Variants in TAFA1 observed in about 807,000 individuals in gnomAD.
TAFA1 encodes the protein TAFA chemokine like family member 1, also known as chemokine-like protein TAFA-1.
In TAFA1, 4 loss-of-function variants were observed where a neutral mutation model predicts 18.5. The ratio of observed to expected loss-of-function variants is 0.22; its 90% CI spans 0.11 to 0.49. The LOEUF (loss-of-function observed/expected upper bound fraction) is 0.49. Among genes scored for constraint, TAFA1 ranks in the 20% least tolerant of loss-of-function variants. TAFA1 has a pLI of 0.98. For synonymous variants in TAFA1, 56 were observed against 55.2 expected (o/e 1.01, Z -0.06); for missense variants, 147 against 169.0 (o/e 0.87, Z 0.72).
chr3:68,474,510 A>T (rs1158207420), intron 3 of TAFA1, among the ~76,000 whole-genome samples: 2 of 152,224 alleles, frequency 1.3e-5, no homozygotes, highest in Non-Finnish European at 2.9e-5. Context: ...TGTCTGGTAG[A>T]ATCTAGCAGA....
intron 3 of TAFA1, among the ~76,000 whole-genome samples, chr3:68,440,450 C>T (rs2071355656): frequency 6.6e-6 from 1 of 152,112 alleles, no homozygotes; most frequent in African/African-American, 2.4e-5. Flanking sequence ...TTTTATAGCA[C>T]AAGTGTATAC....
intron 2 of TAFA1, among the ~76,000 whole-genome samples, chr3:68,372,884 A>C (rs1282025548): frequency 6.6e-6 from 1 of 152,228 alleles, no homozygotes; most frequent in Non-Finnish European, 1.5e-5. Context: ...AGGTTGTGGA[A>C]GCATGAGGAA....
intron 3 of TAFA1, among the ~76,000 whole-genome samples, chr3:68,463,991 T>C (rs1276539700): frequency 6.6e-6 from 1 of 152,186 alleles, no homozygotes; most frequent in Non-Finnish European, 1.5e-5. Flanking sequence ...AATTTCAAAA[T>C]AACTGTTTTA....
At chr3:68,202,271 A>G (rs4419383) in intron 2 of TAFA1, among the ~76,000 whole-genome samples, 142,296 of 151,754 alleles carry the variant, frequency 0.94, 66,807 homozygotes, top group South Asian at 0.97. Context: ...GTTTCTTGTA[A>G]ACAACATCTA....
Position 68,094,672 on chromosome 3 carries a change from C to A in TAFA1, c.118+87928C>A, listed in dbSNP as rs565022817. Among the ~76,000 whole-genome samples the A allele has an allele frequency of 5.9e-5, 9 of 152,204 alleles. No homozygotes were observed. The South Asian group carries it at 1.9e-3, about 32-fold the overall frequency. ...AAGGAGAGAGATCAATTTTTCTAATCCTAGCTCTGGCAAGTTATTTAACCC... is the reference window on the plus strand; with the variant it reads ...AAGGAGAGAGATCAATTTTTCTAATACTAGCTCTGGCAAGTTATTTAACCC... On this transcript the variant is annotated intron_variant, in intron 2 of 4. Transcript: ENST00000478136.
At chr3:68,235,542 A>G (rs150485592) in intron 2 of TAFA1, among the ~76,000 whole-genome samples, 1 of 152,146 alleles carries the variant, frequency 6.6e-6, no homozygotes, top group Non-Finnish European at 1.5e-5. Flanking sequence ...CTGGGAATGG[A>G]GAACTTTTGT....
chr3:68,168,848 A>G (rs145742455), intron 2 of TAFA1, among the ~76,000 whole-genome samples: 127 of 152,278 alleles, frequency 8.3e-4, no homozygotes, highest in African/African-American at 2.4e-3. Context: ...GCCCAAAGTC[A>G]CTGTTCTGGA....
At position 68,462,749 on chromosome 3, in the gene TAFA1, C is replaced by T. The variant is rs1369941534; in HGVS notation, c.259+45329C>T. Among the ~76,000 whole-genome samples the T allele has an allele frequency of 4.6e-5, 7 of 152,016 alleles. No individual in the cohort carries two copies. In the South Asian group the frequency reaches 6.2e-4, roughly 14 times the overall value. On this transcript the variant is annotated intron_variant, in intron 3 of 4. Transcript: ENST00000478136. ...TTACCTAATATGCTGTTTTATGTTA[C>T]GTGGAATTATCTCCTTTGATAGTAA... is the stretch of plus-strand genomic sequence containing the variant.
At chr3:68,350,644 T>G (rs1351151706) in intron 2 of TAFA1, among the ~76,000 whole-genome samples, 1 of 152,268 alleles carries the variant, frequency 6.6e-6, no homozygotes, top group East Asian at 1.9e-4. Flanking sequence ...GGATGTAATT[T>G]AAATTCCTTT....
chr3:68,003,036 A>G (rs1223431061), upstream of TAFA1, among the ~76,000 whole-genome samples: 1 of 152,258 alleles, frequency 6.6e-6, no homozygotes, highest in Non-Finnish European at 1.5e-5. Context: ...ATAATGAGGC[A>G]CAGATGTGAA....
chr3:68,027,290 T>C (rs1249026369), intron 2 of TAFA1, among the ~76,000 whole-genome samples: 4 of 152,148 alleles, frequency 2.6e-5, no homozygotes, highest in Non-Finnish European at 5.9e-5. Flanking sequence ...TAGACTTTTC[T>C]CCCAATATTT....
intron 2 of TAFA1, among the ~76,000 whole-genome samples, chr3:68,269,260 C>G (rs1318722398): frequency 6.6e-6 from 1 of 152,104 alleles, no homozygotes; most frequent in African/African-American, 2.4e-5. Flanking sequence ...TTGAGACCAG[C>G]CTGAGCGACA....
chr3:68,227,777 G>T (rs1344008118), intron 2 of TAFA1, among the ~76,000 whole-genome samples: 1 of 152,116 alleles, frequency 6.6e-6, no homozygotes, highest in Non-Finnish European at 1.5e-5. Context: ...CCCAAACAGG[G>T]TGTGAATTTA....
chr3:68,230,965 A>G (rs964472292), intron 2 of TAFA1, among the ~76,000 whole-genome samples: 46 of 152,348 alleles, frequency 3.0e-4, no homozygotes, highest in Admixed American at 4.6e-4. Context: ...AAACAGATAA[A>G]TAACTATTTA....
intron 2 of TAFA1, among the ~76,000 whole-genome samples, chr3:68,234,628 C>A (rs557793493): frequency 6.6e-6 from 1 of 152,272 alleles, no homozygotes; most frequent in East Asian, 1.9e-4. Flanking sequence ...CACTTTTCAC[C>A]TGGCTCACCA....
intron 3 of TAFA1, among the ~76,000 whole-genome samples, chr3:68,473,121 T>C (rs1464399279): frequency 6.6e-6 from 1 of 152,212 alleles, no homozygotes; most frequent in Non-Finnish European, 1.5e-5. Context: ...GGAAAAGCAC[T>C]GCCCATTACC....
At chr3:68,030,631 A>G (rs1489522175) in intron 2 of TAFA1, among the ~76,000 whole-genome samples, 1 of 152,154 alleles carries the variant, frequency 6.6e-6, no homozygotes, top group Non-Finnish European at 1.5e-5. Context: ...TCCATGGTGT[A>G]TATGTACCAC....
chr3:68,421,484 T>C (rs2070954543), intron 3 of TAFA1, among the ~76,000 whole-genome samples: 1 of 152,170 alleles, frequency 6.6e-6, no homozygotes, highest in Admixed American at 6.6e-5. Flanking sequence ...AGTATAGTTA[T>C]TCACATCATG....
chr3:68,037,861 T>A (rs1400447913), intron 2 of TAFA1, among the ~76,000 whole-genome samples: 1 of 152,146 alleles, frequency 6.6e-6, no homozygotes, highest in Non-Finnish European at 1.5e-5. Flanking sequence ...GAAAACATAT[T>A]TTCACGGCAT....
Sources: allele counts gnomAD v4.1 joint callset (sites outside exome capture counted in the v4.1 genomes callset), GRCh38; gene constraint gnomAD v4.1.1; transcripts MANE v1.5; gene names NCBI Gene and HGNC (gene_info 2026-07-23, HGNC 2026-07-21).